Variants in AXIN2 observed in about 807,000 individuals in gnomAD.
The protein encoded by AXIN2 is axin 2.
A neutral mutation model predicts 74.7 loss-of-function variants in AXIN2; 21 were observed. That is an observed-to-expected ratio of 0.28 (90% CI 0.20 to 0.40). The LOEUF (loss-of-function observed/expected upper bound fraction) is 0.40, where lower values mean the gene tolerates loss of function less well. AXIN2 is among the 10% of genes least tolerant of loss of function. The pLI is 1.00. For synonymous variants in AXIN2, 532 were observed against 454.9 expected, an observed-to-expected ratio of 1.17 and a Z score of -2.16; for missense variants, 1,144 against 1,111.1, an observed-to-expected ratio of 1.03 and a Z score of -0.42.
At chr17:65,546,669 G>A (rs1365035718) in intron 3 of AXIN2, among the ~76,000 whole-genome samples, 1 of 152,186 alleles carries the variant, frequency 6.6e-6, no homozygotes, top group African/African-American at 2.4e-5. Flanking sequence ...ATGCCCAGGT[G>A]GGCACAACTG....
At position 65,537,765 on chromosome 17, in the gene AXIN2, G is replaced by C; in HGVS notation, c.1271C>G (p.Ser424Cys). The change falls in exon 6 of 11, where the codon TCC (serine) becomes TGC (cysteine). Residue 424 changes from serine to cysteine, a missense_variant. Coordinates refer to ENST00000307078, the MANE Select transcript of AXIN2 (RefSeq NM_004655.4). ...CTCGTAGCTGCCGGAGGGCAGTAGG[G>C]AGAGGGGGTGCTGCGTGGGCGCCCC... ...REGAPTQHPL[S>C]LLPSGSYEED... 2.5e-6 allele frequency: 4 copies of C among 1,585,168 alleles called. No individual in the cohort carries two copies. The highest frequency in any genetic ancestry group is 3.4e-6 in the Non-Finnish European group (4 of 1,165,410).
chr17:65,553,854 G>A (rs912340006), intron 2 of AXIN2, among the ~76,000 whole-genome samples: 1 of 149,272 alleles, frequency 6.7e-6, no homozygotes, highest in Non-Finnish European at 1.5e-5. Context: ...AGGCGGGGGG[G>A]GGGGGAGGAA....
intron 3 of AXIN2, among the ~76,000 whole-genome samples, chr17:65,546,056 C>A (rs924187668): frequency 1.3e-5 from 2 of 150,138 alleles, no homozygotes; most frequent in Non-Finnish European, 1.5e-5. Flanking sequence ...CTCTCCCCCC[C>A]TCCCCAGCCC....
intron 2 of AXIN2, among the ~76,000 whole-genome samples, chr17:65,551,645 T>G (rs902141181): frequency 1.4e-4 from 22 of 152,078 alleles, no homozygotes; most frequent in Middle Eastern, 3.4e-3. Flanking sequence ...GAAAAGAAGG[T>G]AGGAGAGGCA....
intron 2 of AXIN2, among the ~76,000 whole-genome samples, 194 bp from the exon 3 acceptor site, chr17:65,549,854 G>A (rs2044167642): frequency 6.6e-6 from 1 of 152,172 alleles, no homozygotes; most frequent in African/African-American, 2.4e-5. Context: ...GGTTCACCCT[G>A]GGGAAAGCAA....
Position 65,537,769 on chromosome 17 carries a change from G to C in AXIN2, c.1267C>G (p.Leu423Val), listed in dbSNP as rs376630432. 5.7e-6 allele frequency: 9 copies of C among 1,586,246 alleles called. No homozygotes were observed. Among genetic ancestry groups the C allele is most frequent in the Non-Finnish European group, 1.7e-6 (2 of 1,166,028 alleles). The change falls in exon 6 of 11, where the codon CTC becomes GTC. Residue 423 changes from leucine to valine, a missense_variant. Around this residue, in one of 4 missense-constraint regions of AXIN2, gnomAD observed 1,053 missense variants for 973.5 expected, o/e 1.08. Coordinates refer to ENST00000307078, the MANE Select transcript of AXIN2 (RefSeq NM_004655.4). ...SREGAPTQHPLSLLPSGSYEE... is the reference protein window; with the variant it reads ...SREGAPTQHPVSLLPSGSYEE... ...TAGCTGCCGGAGGGCAGTAGGGAGA[G>C]GGGGTGCTGCGTGGGCGCCCCCTCC... is the stretch of plus-strand genomic sequence containing the variant.
intron 3 of AXIN2, among the ~76,000 whole-genome samples, chr17:65,548,160 T>C (rs1056100701): frequency 1.3e-5 from 2 of 152,250 alleles, no homozygotes; most frequent in African/African-American, 2.4e-5. Flanking sequence ...TGTTTCCATA[T>C]TGGATGAAAG....
At chr17:65,546,483 G>A (rs1404078906) in intron 3 of AXIN2, among the ~76,000 whole-genome samples, 1 of 152,196 alleles carries the variant, frequency 6.6e-6, no homozygotes, top group Non-Finnish European at 1.5e-5. Context: ...TTGCAGCAGA[G>A]TGGGGAGGGC....
At chr17:65,538,377 G>T in intron 4 of AXIN2, 34 bp from the exon 5 acceptor site, 1 of 1,613,020 alleles carries the variant, frequency 6.2e-7, no homozygotes, top group Non-Finnish European at 8.5e-7. Context: ...GAGGAGGCAC[G>T]TTCAGCAGGC....
At chr17:65,537,247 T>A in intron 6 of AXIN2, 77 bp downstream of exon 6, 8 of 1,599,564 alleles carry the variant, frequency 5.0e-6, no homozygotes, top group Non-Finnish European at 6.8e-6. Flanking sequence ...GTAATGCGGC[T>A]CCCACCTCAC....
At chr17:65,541,877 C>A (rs992778980) in intron 3 of AXIN2, among the ~76,000 whole-genome samples, 1 of 152,238 alleles carries the variant, frequency 6.6e-6, no homozygotes, top group Non-Finnish European at 1.5e-5. Context: ...CCAGGCAGAG[C>A]AAAGGCTCCC....
At position 65,536,427 on chromosome 17, in the gene AXIN2, C is replaced by A. The variant is rs748632114; in HGVS notation, c.2034G>T (p.Leu678=). The part of the protein sequence containing the change: ...GHPRTTPRAH[L]FTQDPAMPPL... ...GAGGCATCGCAGGGTCCTGGGTGAA[C>A]AGGTGGGCACGGGGGGTGGTGCGGG... Residue 678 remains leucine, a synonymous_variant, in exon 8 of 11, where the codon CTG becomes CTT. Transcript: ENST00000307078. 8 of 1,613,636 alleles carry A rather than the reference C, an allele frequency of 5.0e-6. No homozygotes were observed. The highest frequency in any genetic ancestry group is 1.7e-5 in the Admixed American group (1 of 59,992).
intron 1 of AXIN2, 105 bp downstream of exon 1, chr17:65,561,345 C>T (rs2044372061): frequency 6.9e-6 from 1 of 145,496 alleles, no homozygotes; most frequent in Non-Finnish European, 1.5e-5. Context: ...GGCCGGGCCC[C>T]CTCCCGCCCC....
intron 2 of AXIN2, among the ~76,000 whole-genome samples, chr17:65,556,932 G>A (rs1320680259): frequency 6.6e-6 from 1 of 152,190 alleles, no homozygotes; most frequent in East Asian, 1.9e-4. Context: ...TTGGAAGTCG[G>A]GAGGAGGGGA....
At chr17:65,559,429 C>G (rs2044327915) in intron 1 of AXIN2, 1 of 152,146 alleles carries the variant, frequency 6.6e-6, no homozygotes, top group Admixed American at 6.5e-5. Flanking sequence ...TGAGTGTTCG[C>G]TACGCGCCCC....
Position 65,536,335 on chromosome 17 carries a change from T to C in AXIN2, c.2126A>G (p.Lys709Arg). ...EACRRLAEVSKPPKQRCCVAS... is the reference protein window; with the variant it reads ...EACRRLAEVSRPPKQRCCVAS... ...TTCCACTCACCGCTGCTTTGGGGGCTTCGACACCTCAGCTAGCCTGCGACA... is the reference window on the plus strand; with the variant it reads ...TTCCACTCACCGCTGCTTTGGGGGCCTCGACACCTCAGCTAGCCTGCGACA... The change falls in exon 8 of 11, where the codon AAG becomes AGG. Residue 709 changes from lysine to arginine, a missense_variant. Lys to Arg is a conservative substitution (Grantham distance 26). Coordinates refer to ENST00000307078, the MANE Select transcript of AXIN2 (RefSeq NM_004655.4). The C allele has an allele frequency of 6.2e-7, 1 of 1,611,898 alleles. No individual in the cohort carries two copies. Among genetic ancestry groups the C allele is most frequent in the Non-Finnish European group, 8.5e-7 (1 of 1,179,514 alleles).
In AXIN2 at chr17:65,536,890, T is replaced by G; in HGVS notation, c.1886A>C (p.Gln629Pro). The G allele has an allele frequency of 6.2e-7, 1 of 1,613,472 alleles. No homozygotes were observed. The highest frequency in any genetic ancestry group is 1.1e-5 in the South Asian group (1 of 91,068). The change falls in exon 7 of 11, where the codon CAG (glutamine) becomes CCG (proline). Residue 629 changes from glutamine to proline, a missense_variant. Gln to Pro is a moderately conservative substitution (Grantham distance 76). Coordinates refer to ENST00000307078, the MANE Select transcript of AXIN2 (RefSeq NM_004655.4). ...TTACCTATGGGGCTTGGGCTTGCTC[T>G]GCCGCTCACTCTCCAGCATCCACTG... is the stretch of plus-strand genomic sequence containing the variant. ...VWQWMLESER[Q>P]SKPKPHSAQS... is the part of the protein sequence containing the mutation.
intron 2 of AXIN2, among the ~76,000 whole-genome samples, chr17:65,554,959 A>G (rs987270963): frequency 1.3e-5 from 2 of 152,222 alleles, no homozygotes; most frequent in Admixed American, 6.5e-5. Flanking sequence ...TGCTCCTACC[A>G]ACAAGTTGCT....
chr17:65,543,324 G>C (rs896597842), intron 3 of AXIN2, among the ~76,000 whole-genome samples: 1 of 152,124 alleles, frequency 6.6e-6, no homozygotes, highest in Non-Finnish European at 1.5e-5. Context: ...CATGAGGCTC[G>C]GCACCTGACC....
Sources: allele counts gnomAD v4.1 joint callset (sites outside exome capture counted in the v4.1 genomes callset), GRCh38; gene constraint gnomAD v4.1.1; regional missense constraint gnomAD v4.1.1; transcripts MANE v1.5; gene names NCBI Gene and HGNC (gene_info 2026-07-23, HGNC 2026-07-21).